MAP2K1: variants seen among roughly 807,000 people sequenced by gnomAD.
MAP2K1 encodes the protein mitogen-activated protein kinase kinase 1.
MAP2K1 carries 16 observed loss-of-function variants against 46.3 expected under a neutral mutation model. The observed-to-expected ratio is 0.35, with a 90% CI of 0.23 to 0.52. MAP2K1 has a LOEUF of 0.52. Among genes scored for constraint, MAP2K1 ranks in the 20% least tolerant of loss-of-function variants. The pLI is 0.94. For synonymous variants in MAP2K1, 183 were observed against 185.6 expected, an observed-to-expected ratio of 0.99 and a Z score of 0.11; for missense variants, 263 against 497.1, an observed-to-expected ratio of 0.53 and a Z score of 4.48.
chr15:66,474,225 T>C (rs1361682457), intron 5 of MAP2K1, among the ~76,000 whole-genome samples: 1 of 152,032 alleles, frequency 6.6e-6, no homozygotes, highest in Non-Finnish European at 1.5e-5. Context: ...GTTGTAAAAA[T>C]CTTGAAAGTG....
At chr15:66,392,807 C>T (rs1406061809) in intron 1 of MAP2K1, among the ~76,000 whole-genome samples, 1 of 152,108 alleles carries the variant, frequency 6.6e-6, no homozygotes, top group East Asian at 1.9e-4. Flanking sequence ...CCTGCCTCAG[C>T]CTCCCAAAGT....
intron 1 of MAP2K1, among the ~76,000 whole-genome samples, chr15:66,432,236 C>T (rs2093476615): frequency 6.6e-6 from 1 of 152,154 alleles, no homozygotes; most frequent in Non-Finnish European, 1.5e-5. Context: ...GTCTTTACCA[C>T]CCCAGCCTAT....
intron 1 of MAP2K1, among the ~76,000 whole-genome samples, chr15:66,428,907 G>A (rs1050186833): frequency 7.3e-5 from 11 of 150,336 alleles, no homozygotes; most frequent in Non-Finnish European, 1.5e-4. Flanking sequence ...AGCCTCCTGA[G>A]TAGCTGTGAT....
At chr15:66,489,860 C>A in intron 10 of MAP2K1, 97 bp downstream of exon 10, 1 of 1,031,868 alleles carries the variant, frequency 9.7e-7, no homozygotes, top group Non-Finnish European at 1.5e-6. Context: ...CATTCATTCC[C>A]TGCCCACTGT....
At chr15:66,460,770 G>A (rs1892297962) in intron 5 of MAP2K1, among the ~76,000 whole-genome samples, 1 of 152,080 alleles carries the variant, frequency 6.6e-6, no homozygotes, top group Admixed American at 6.6e-5. Context: ...AGAGATAAGG[G>A]GGGGTCTGAG....
chr15:66,460,774 G>T (rs1374756595), intron 5 of MAP2K1, among the ~76,000 whole-genome samples: 2 of 152,052 alleles, frequency 1.3e-5, no homozygotes, highest in East Asian at 1.9e-4. Flanking sequence ...ATAAGGGGGG[G>T]TCTGAGTTAG....
chr15:66,410,287 C>T (rs1335696058), intron 1 of MAP2K1, among the ~76,000 whole-genome samples: 2 of 152,170 alleles, frequency 1.3e-5, no homozygotes, highest in Non-Finnish European at 2.9e-5. Flanking sequence ...CCTGTTAACC[C>T]TTACATTTTC....
At position 66,423,441 on chromosome 15, in the gene MAP2K1, C is replaced by T. The variant is rs2093448604; in HGVS notation, c.81-11586C>T. On this transcript the variant is annotated intron_variant, in intron 1 of 10. Transcript: ENST00000307102. ...CTTCTTGATTTTTGTGTTTTTCTTT[C>T]CTTTTTTTTTTTTTTGAAACAGAGT... Among the ~76,000 whole-genome samples the T allele has an allele frequency of 3.7e-5, 5 of 134,320 alleles. No individual in the cohort carries two copies. In the Admixed American group the frequency reaches 4.1e-4, roughly 11 times the overall value. 88.1% of individuals were successfully genotyped at this position (134,320 alleles called of 152,430 possible). A position where few individuals can be genotyped will look rare whatever the true frequency, so the allele number is the denominator to read the frequency against.
intron 1 of MAP2K1, among the ~76,000 whole-genome samples, chr15:66,412,026 G>A (rs1011700305): frequency 6.6e-6 from 1 of 152,154 alleles, no homozygotes; most frequent in African/African-American, 2.4e-5. Context: ...TTTTTGTTAA[G>A]AATATAGTTT....
At position 66,386,969 on chromosome 15, in the gene MAP2K1, C is replaced by G; in HGVS notation, c.-379C>G. On this transcript the variant is annotated 5_prime_UTR_variant, in exon 1 of 11. Transcript: ENST00000307102. Reference sequence around the variant, plus strand: ...AGGAGCACGGCGGCGGCGGCACTTTCCCCGGCAGGAGCTGGAGCTGGGCTC... The same window carrying G: ...AGGAGCACGGCGGCGGCGGCACTTTGCCCGGCAGGAGCTGGAGCTGGGCTC... 7.5e-6 allele frequency: 2 copies of G among 265,074 alleles called. No individual in the cohort carries two copies. Among genetic ancestry groups the G allele is most frequent in the East Asian group, 5.7e-5 (1 of 17,406 alleles). The allele number at this position is 265,074 out of a possible 1,614,324, so 16.4% of individuals were successfully genotyped here.
chr15:66,410,418 G>GA (rs1566999100), intron 1 of MAP2K1, among the ~76,000 whole-genome samples: 1 of 150,932 alleles, frequency 6.6e-6, no homozygotes, highest in African/African-American at 2.4e-5. Flanking sequence ...GGAAAAAGGG[G>GA]AAAAAAGAGA....
intron 5 of MAP2K1, among the ~76,000 whole-genome samples, chr15:66,470,230 A>G (rs1293526151): frequency 6.6e-6 from 1 of 151,870 alleles, no homozygotes; most frequent in East Asian, 1.9e-4. Flanking sequence ...GACCGAAACA[A>G]CAACAAAAAG....
chr15:66,464,223 A>AC (rs1892404038), intron 5 of MAP2K1, among the ~76,000 whole-genome samples: 1 of 152,188 alleles, frequency 6.6e-6, no homozygotes, highest in Non-Finnish European at 1.5e-5. Context: ...GGTAGGTCCC[A>AC]AGTTACTAGG....
rs187760257 is a variant in MAP2K1, at chr15:66,424,043, G to A, written c.81-10984G>A. Among the ~76,000 whole-genome samples the A allele has an allele frequency of 3.8e-3, 558 of 148,256 alleles. 6 individuals are homozygous for A. Among genetic ancestry groups the A allele is most frequent in the African/African-American group, 0.013 (547 of 40,524 alleles). ...GCTGAGATTATGGATGTGAGCCACC[G>A]CACCCAGCCATGTCTTGTGCATTTT... On this transcript the variant is annotated intron_variant, in intron 1 of 10. Transcript: ENST00000307102.
In MAP2K1 at chr15:66,420,831, G is replaced by GTA. The variant is rs1330919375; in HGVS notation, c.81-14188_81-14187dup. Among the ~76,000 whole-genome samples the GTA allele has an allele frequency of 4.8e-5, 5 of 104,146 alleles. 1 individual carries two copies. Among genetic ancestry groups the GTA allele is most frequent in the African/African-American group, 6.8e-5 (2 of 29,342 alleles). The allele number at this position is 104,146 out of a possible 152,430, so 68.3% of individuals were successfully genotyped here. ...TATATATATGTGTATATATATATGT[G>GTA]TATATATATGTGTGTATATATATGT... On this transcript the variant is annotated intron_variant, in intron 1 of 10. Coordinates refer to ENST00000307102, the MANE Select transcript of MAP2K1 (RefSeq NM_002755.4).
intron 1 of MAP2K1, among the ~76,000 whole-genome samples, chr15:66,405,654 G>A (rs2093394721): frequency 6.6e-6 from 1 of 152,142 alleles, no homozygotes; most frequent in South Asian, 2.1e-4. Flanking sequence ...GAACAGAATG[G>A]AAATGTGAGA....
chr15:66,476,100 G>T (rs1892749330), intron 5 of MAP2K1, among the ~76,000 whole-genome samples: 1 of 152,148 alleles, frequency 6.6e-6, no homozygotes, highest in Admixed American at 6.5e-5. Flanking sequence ...AGGAAGGAGG[G>T]GTTACCCATA....
At chr15:66,429,464 C>T (rs1419374389) in intron 1 of MAP2K1, among the ~76,000 whole-genome samples, 1 of 152,130 alleles carries the variant, frequency 6.6e-6, no homozygotes, top group Non-Finnish European at 1.5e-5. Flanking sequence ...AGAGCCAAAC[C>T]ATATCATATA....
At chr15:66,437,578 A>G (rs778036060) in intron 3 of MAP2K1, among the ~76,000 whole-genome samples, 1 of 152,204 alleles carries the variant, frequency 6.6e-6, no homozygotes, top group Non-Finnish European at 1.5e-5. Context: ...CTTTCAGTCC[A>G]GTATTGTGTC....
Sources: gnomAD v4.1 joint callset for allele counts (sites outside exome capture counted in the v4.1 genomes callset) on GRCh38, gnomAD v4.1.1 for gene constraint, MANE v1.5 for transcripts, NCBI Gene and HGNC (gene_info 2026-07-23, HGNC 2026-07-21) for gene names.